CCM2: variants seen among roughly 807,000 people sequenced by gnomAD.
The protein encoded by CCM2 is cerebral cavernous malformations 2 protein.
In CCM2, 25 loss-of-function variants were observed where a neutral mutation model predicts 44.9. The ratio of observed to expected loss-of-function variants is 0.56; its 90% CI spans 0.41 to 0.78. The LOEUF is 0.78. Among genes scored for constraint, CCM2 ranks in the 30% least tolerant of loss-of-function variants. CCM2 has a pLI of 0.00. For synonymous variants in CCM2, 219 were observed against 241.1 expected, an observed-to-expected ratio of 0.91 and a Z score of 0.85; for missense variants, 481 against 580.6, an observed-to-expected ratio of 0.83 and a Z score of 1.76.
chr7:45,075,972 A>AT lies in CCM2; in HGVS notation c.1250_1251insT (p.Glu417AspfsTer4). On this transcript the variant is annotated frameshift_variant, in exon 10 of 10. Transcript: ENST00000258781. LOFTEE classifies it high-confidence loss of function. ...TCTGATGACCGGTCGGCACCCTCAG[A>AT]GGGGGATGAGTGGGACCGCATGATC... 1 of 1,613,120 alleles carries AT rather than the reference A, an allele frequency of 6.2e-7. No individual in the cohort carries two copies. Among genetic ancestry groups the AT allele is most frequent in the Non-Finnish European group, 8.5e-7 (1 of 1,180,012 alleles).
At chr7:45,060,541 C>A (rs1052823276) in intron 2 of CCM2, among the ~76,000 whole-genome samples, 4 of 152,188 alleles carry the variant, frequency 2.6e-5, no homozygotes, top group African/African-American at 9.7e-5. Flanking sequence ...TTATTGTGTT[C>A]TTTTCTTTCT....
intron 2 of CCM2, among the ~76,000 whole-genome samples, chr7:45,047,893 A>G (rs1797834682): frequency 6.6e-6 from 1 of 152,224 alleles, no homozygotes; most frequent in Non-Finnish European, 1.5e-5. Flanking sequence ...AGAATTTACA[A>G]TTACCTTAAA....
intron 1 of CCM2, among the ~76,000 whole-genome samples, chr7:45,025,659 G>A (rs549126988): frequency 1.3e-5 from 2 of 151,590 alleles, no homozygotes; most frequent in Non-Finnish European, 2.9e-5. Context: ...TCAGCCTCCC[G>A]AATAGCTGGG....
intron 1 of CCM2, among the ~76,000 whole-genome samples, chr7:45,026,445 T>C (rs1367224522): frequency 6.6e-6 from 1 of 152,190 alleles, no homozygotes; most frequent in African/African-American, 2.4e-5. Context: ...TTGTTACAGG[T>C]TAATGAAATA....
chr7:45,027,513 G>T, intron 1 of CCM2: 1 of 960,946 alleles, frequency 1.0e-6, no homozygotes, highest in Non-Finnish European at 1.6e-6. Context: ...TTTTGTGCAT[G>T]CAGACTGTTT....
intron 1 of CCM2, among the ~76,000 whole-genome samples, chr7:45,023,984 A>G (rs962255739): frequency 1.1e-4 from 17 of 151,262 alleles, no homozygotes; most frequent in African/African-American, 2.2e-4. Context: ...CTAATTTTGT[A>G]TTTTTAGTAG....
At chr7:45,021,339 G>T in intron 1 of CCM2, among the ~76,000 whole-genome samples, 1 of 152,046 alleles carries the variant, frequency 6.6e-6, no homozygotes. Context: ...GAGGCGGGCG[G>T]ATCACCTGAG....
intron 1 of CCM2, among the ~76,000 whole-genome samples, chr7:45,018,501 C>T (rs1219448579): frequency 6.6e-6 from 1 of 151,946 alleles, no homozygotes; most frequent in Non-Finnish European, 1.5e-5. Flanking sequence ...TGATTATAGG[C>T]ACATACCACC....
chr7:45,041,890 C>T (rs1797519734), intron 2 of CCM2, among the ~76,000 whole-genome samples: 1 of 152,132 alleles, frequency 6.6e-6, no homozygotes, highest in South Asian at 2.1e-4. Flanking sequence ...CATGGGGAAC[C>T]AGAACTCTTA....
At chr7:45,000,844 C>T (rs1283885139) in intron 1 of CCM2, among the ~76,000 whole-genome samples, 1 of 152,178 alleles carries the variant, frequency 6.6e-6, no homozygotes, top group African/African-American at 2.4e-5. Flanking sequence ...ATTTTAGTGA[C>T]GCTAGCTACA....
At chr7:45,002,707 G>T (rs142329672) in intron 1 of CCM2, among the ~76,000 whole-genome samples, 101 of 152,268 alleles carry the variant, frequency 6.6e-4, no homozygotes, top group African/African-American at 2.2e-3. Flanking sequence ...CACATGTGGT[G>T]ATGATGACTG....
Position 45,018,732 on chromosome 7 carries a change from G to T in CCM2, c.30+18369G>T, listed in dbSNP as rs1473267440. Among the ~76,000 whole-genome samples the T allele has an allele frequency of 7.3e-5, 11 of 151,378 alleles. No individual in the cohort carries two copies. The South Asian group carries it at 2.3e-3, about 32-fold the overall frequency. Reference sequence around the variant, plus strand: ...AGTTACCTGTCATTTTTGTTGTACTGAATGTCTTTTATTTGACAGTTTTAA... The same window carrying T: ...AGTTACCTGTCATTTTTGTTGTACTTAATGTCTTTTATTTGACAGTTTTAA... On this transcript the variant is annotated intron_variant, in intron 1 of 9. Coordinates refer to ENST00000258781, the MANE Select transcript of CCM2 (RefSeq NM_031443.4).
chr7:45,076,257 A>C lies in CCM2; in HGVS notation c.*200A>C, dbSNP rs932668763. 2.4e-4 allele frequency: 187 copies of C among 774,966 alleles called. 1 individual carries two copies. The highest frequency in any genetic ancestry group is 3.3e-4 in the Non-Finnish European group (152 of 455,928). The allele number at this position is 774,966 out of a possible 1,614,324, so 48.0% of individuals were successfully genotyped here. A position where few individuals can be genotyped will look rare whatever the true frequency, so the allele number is the denominator to read the frequency against. On this transcript the variant is annotated 3_prime_UTR_variant, in exon 10 of 10. Coordinates refer to ENST00000258781, the MANE Select transcript of CCM2 (RefSeq NM_031443.4). The stretch of plus-strand genomic sequence containing the variant: ...GGACACGAGCCTCAGTGCGGGGTGG[A>C]AGGCTCTTTGCCTTGTCCACCAGGG...
intron 1 of CCM2, among the ~76,000 whole-genome samples, chr7:45,023,140 G>A (rs1796546666): frequency 2.0e-5 from 3 of 152,106 alleles, no homozygotes; most frequent in African/African-American, 7.2e-5. Flanking sequence ...CCCTTTCTAA[G>A]TCTCCAGTGT....
intron 5 of CCM2, among the ~76,000 whole-genome samples, chr7:45,069,596 C>G (rs957745574): frequency 1.3e-5 from 2 of 152,184 alleles, no homozygotes. Flanking sequence ...CTCACACTTG[C>G]AATACCACCC....
intron 1 of CCM2, among the ~76,000 whole-genome samples, chr7:45,017,566 A>C (rs59653480): frequency 6.7e-6 from 1 of 149,510 alleles, no homozygotes; most frequent in Non-Finnish European, 1.5e-5. Flanking sequence ...TTGAAGAGTC[A>C]GACTGTGTGG....
At chr7:45,053,757 A>G (rs1798119496) in intron 2 of CCM2, among the ~76,000 whole-genome samples, 1 of 152,198 alleles carries the variant, frequency 6.6e-6, no homozygotes, top group African/African-American at 2.4e-5. Flanking sequence ...GACCTTCTGC[A>G]CACTCATTAG....
chr7:45,001,438 T>A (rs1244235202), intron 1 of CCM2, among the ~76,000 whole-genome samples: 1 of 152,276 alleles, frequency 6.6e-6, no homozygotes, highest in African/African-American at 2.4e-5. Flanking sequence ...AGATTAGAGA[T>A]GCGTGCTGCG....
rs1784242784 is a variant in CCM2, at chr7:45,076,114, A to G, written c.*57A>G. Reference sequence around the variant, plus strand: ...CCGCGCAGTCGTCATAGGCCTTCCCAGAAGGAGCTGCCCAGACCTGCGTGT... The same window carrying G: ...CCGCGCAGTCGTCATAGGCCTTCCCGGAAGGAGCTGCCCAGACCTGCGTGT... On this transcript the variant is annotated 3_prime_UTR_variant, in exon 10 of 10. Coordinates refer to ENST00000258781, the MANE Select transcript of CCM2 (RefSeq NM_031443.4). The G allele has an allele frequency of 1.9e-6, 3 of 1,607,034 alleles. No individual in the cohort carries two copies. Among genetic ancestry groups the G allele is most frequent in the Non-Finnish European group, 2.5e-6 (3 of 1,178,652 alleles).
Sources: gnomAD v4.1 joint callset for allele counts (sites outside exome capture counted in the v4.1 genomes callset) on GRCh38, gnomAD v4.1.1 for gene constraint, MANE v1.5 for transcripts, NCBI Gene and HGNC (gene_info 2026-07-23, HGNC 2026-07-21) for gene names.